GALNT5: variants seen among roughly 807,000 people sequenced by gnomAD.
GALNT5 encodes polypeptide N-acetylgalactosaminyltransferase 5, also known as UDP-GalNAc:polypeptide N-acetylgalactosaminyltransferase 5.
In GALNT5, 72 loss-of-function variants were observed where a neutral mutation model predicts 85.4. That is an observed-to-expected ratio of 0.84 (90% CI 0.70 to 1.03). The LOEUF (loss-of-function observed/expected upper bound fraction) is 1.03. Among genes scored for constraint, GALNT5 ranks in the 50% least tolerant of loss-of-function variants. The pLI is 0.00. For missense variants in GALNT5, 1,137 were observed against 1,135.5 expected, an observed-to-expected ratio of 1.00 and a Z score of -0.02; for synonymous variants, 404 against 397.0, an observed-to-expected ratio of 1.02 and a Z score of -0.21.
intron 1 of GALNT5, among the ~76,000 whole-genome samples, chr2:157,265,862 T>A (rs1476449502): frequency 6.6e-6 from 1 of 152,214 alleles, no homozygotes; most frequent in Admixed American, 6.5e-5. Context: ...TATACCAAAC[T>A]CAAGTACCTC....
At chr2:157,283,353 A>G (rs960952551) in intron 1 of GALNT5, among the ~76,000 whole-genome samples, 1 of 152,206 alleles carries the variant, frequency 6.6e-6, no homozygotes, top group African/African-American at 2.4e-5. Context: ...GGCACTGCTT[A>G]TGAAGAGTGG....
At chr2:157,306,570 G>C (rs183961708) in intron 8 of GALNT5, among the ~76,000 whole-genome samples, 27 of 152,320 alleles carry the variant, frequency 1.8e-4, no homozygotes, top group African/African-American at 6.0e-4. Flanking sequence ...TGTGGAAACA[G>C]TTATTGGTTT....
intron 3 of GALNT5, among the ~76,000 whole-genome samples, chr2:157,291,435 T>C (rs189193045): frequency 4.6e-5 from 7 of 152,316 alleles, no homozygotes; most frequent in Non-Finnish European, 8.8e-5. Context: ...ATTTTTTCCT[T>C]AGCATTACTT....
intron 1 of GALNT5, among the ~76,000 whole-genome samples, chr2:157,272,376 T>A (rs184960596): frequency 7.9e-4 from 121 of 152,346 alleles, no homozygotes; most frequent in African/African-American, 2.8e-3. Flanking sequence ...ACTCCTTTTT[T>A]AAATAATTTC....
chr2:157,281,555 T>C (rs1178008437), intron 1 of GALNT5, among the ~76,000 whole-genome samples: 1 of 152,050 alleles, frequency 6.6e-6, no homozygotes, highest in Middle Eastern at 3.2e-3. Flanking sequence ...AAAGCTCCTA[T>C]CAAATTGCGC....
chr2:157,269,050 T>A (rs1375171818), intron 1 of GALNT5, among the ~76,000 whole-genome samples: 1 of 152,166 alleles, frequency 6.6e-6, no homozygotes, highest in African/African-American at 2.4e-5. Context: ...TAACTTGAAA[T>A]GGTTTTTACA....
Position 157,269,752 on chromosome 2 carries a change from A to G in GALNT5, c.1454+10216A>G, listed in dbSNP as rs369641407. On this transcript the variant is annotated intron_variant, in intron 1 of 9. Coordinates refer to ENST00000259056, the MANE Select transcript of GALNT5 (RefSeq NM_014568.3). ...TTTTTAGAACTTCCTTCTAAAAAGG[A>G]CAAAAACTCTACTAATTTAAAATAT... Among the ~76,000 whole-genome samples the G allele has an allele frequency of 6.6e-5, 10 of 152,264 alleles. No homozygotes were observed. The East Asian group carries it at 1.2e-3, about 18-fold the overall frequency.
rs1263463873 is a variant in GALNT5 at position 157,258,956 on chromosome 2, T to C, written c.874T>C (p.Ser292Pro). Residue 292 changes from serine to proline, a missense_variant, in exon 1 of 10, where the codon TCT becomes CCT. Transcript: ENST00000259056. ...TVNSNRLRKQ[S>P]INETPLGSLS... ...CAATTCAAATCGCTTAAGGAAGCAA[T>C]CTATTAATGAGACACCTTTGGGAAG... 10 of 1,521,658 alleles carry C rather than the reference T, an allele frequency of 6.6e-6. No homozygotes were observed. The highest frequency in any genetic ancestry group is 2.7e-5 in the South Asian group (2 of 73,786). The allele number at this position is 1,521,658 out of a possible 1,614,324, so 94.3% of individuals were successfully genotyped here.
At chr2:157,284,949 A>AACAAAGTTCAAAACCAGAAT (rs1682939378) in intron 2 of GALNT5, among the ~76,000 whole-genome samples, 1 of 152,256 alleles carries the variant, frequency 6.6e-6, no homozygotes, top group Non-Finnish European at 1.5e-5. Context: ...AGGTGATTCC[A>AACAAAGTTCAAAACCAGAAT]ACAAAGTTCA....
chr2:157,288,920 GAAGAGAAT>G (rs1353355598), intron 3 of GALNT5, among the ~76,000 whole-genome samples: 2 of 152,174 alleles, frequency 1.3e-5, no homozygotes, highest in East Asian at 3.8e-4. Flanking sequence ...GATAAGATGT[GAAGAGAAT>G]AAGAATGACA....
intron 1 of GALNT5, among the ~76,000 whole-genome samples, chr2:157,279,940 G>A (rs1376568731): frequency 6.6e-6 from 1 of 152,150 alleles, no homozygotes; most frequent in Non-Finnish European, 1.5e-5. Flanking sequence ...GTTCCTATTT[G>A]GCCATCTTGG....
rs1683677324 is a variant in GALNT5, at chr2:157,315,384, C to T, written c.*4036C>T. ...AACCCAGTTTCCATTTTATCTGGCT[C>T]AAAAAAAATTTCTCTCACTATACCA... On this transcript the variant is annotated 3_prime_UTR_variant, in exon 10 of 10. Transcript: ENST00000259056. Among the ~76,000 whole-genome samples the T allele has an allele frequency of 1.3e-5, 2 of 151,950 alleles. No homozygotes were observed. The highest frequency in any genetic ancestry group is 4.8e-5 in the African/African-American group (2 of 41,382).
rs1416104787 is a variant in GALNT5, at chr2:157,295,741, T to C, written c.1820T>C (p.Leu607Ser). The C allele has an allele frequency of 1.2e-6, 2 of 1,610,088 alleles. No individual in the cohort carries two copies. Among genetic ancestry groups the C allele is most frequent in the Non-Finnish European group, 1.7e-6 (2 of 1,176,536 alleles). ...WLEPLLERVY[L>S]SRKKVACPVI... ...GAACCTCTTCTGGAAAGAGTTTATT[T>C]AAGTAGAAAGAAAGTGGCCTGTCCA... Residue 607 changes from leucine (L) to serine (S), a missense_variant, in exon 4 of 10, where the codon TTA (leucine) becomes TCA (serine). By Grantham distance (145) the Leu-to-Ser change is moderately radical. Transcript: ENST00000259056.
At chr2:157,295,128 T>C (rs1182979121) in intron 3 of GALNT5, among the ~76,000 whole-genome samples, 1 of 151,352 alleles carries the variant, frequency 6.6e-6, no homozygotes, top group Non-Finnish European at 1.5e-5. Context: ...AAAATAAAAC[T>C]CCATACCCAT....
chr2:157,290,321 T>C (rs575171634), intron 3 of GALNT5, among the ~76,000 whole-genome samples: 2 of 152,050 alleles, frequency 1.3e-5, no homozygotes, highest in East Asian at 3.9e-4. Context: ...CCTGAGAGTT[T>C]GGAAAGAAGA....
At chr2:157,293,306 A>G (rs1683137612) in intron 3 of GALNT5, among the ~76,000 whole-genome samples, 1 of 152,210 alleles carries the variant, frequency 6.6e-6, no homozygotes, top group Non-Finnish European at 1.5e-5. Flanking sequence ...TCTGCTTCAA[A>G]GGCGGCACCT....
chr2:157,290,197 T>C (rs1683071001), intron 3 of GALNT5, among the ~76,000 whole-genome samples: 1 of 151,790 alleles, frequency 6.6e-6, no homozygotes, highest in South Asian at 2.1e-4. Context: ...ATTTATAAAT[T>C]TGACAAATTG....
chr2:157,260,089 G>A (rs1040165146), intron 1 of GALNT5, among the ~76,000 whole-genome samples: 1 of 152,244 alleles, frequency 6.6e-6, no homozygotes, highest in Non-Finnish European at 1.5e-5. Context: ...TATAGGTGGA[G>A]ATGGTAGATA....
At position 157,318,198 on chromosome 2, in the gene GALNT5, A is replaced by G. The variant is rs952483060; in HGVS notation, c.*6850A>G. 9.9e-5 allele frequency among the ~76,000 whole-genome samples: 15 copies of G among 152,022 alleles called. 1 individual carries two copies. Among genetic ancestry groups the G allele is most frequent in the Admixed American group, 9.8e-4 (15 of 15,262 alleles). On this transcript the variant is annotated 3_prime_UTR_variant, in exon 10 of 10. Transcript: ENST00000259056. ...AATGTTTTCCCTATCACATTGAAAA[A>G]CTTAAATGTCCGTTCTCCATTTGAA... is the stretch of plus-strand genomic sequence containing the variant.
Sources: gnomAD v4.1 joint callset for allele counts (sites outside exome capture counted in the v4.1 genomes callset) on GRCh38, gnomAD v4.1.1 for gene constraint, MANE v1.5 for transcripts, NCBI Gene and HGNC (gene_info 2026-07-23, HGNC 2026-07-21) for gene names.